NR2C2: variants seen among roughly 807,000 people sequenced by gnomAD.
The protein encoded by NR2C2 is Nuclear hormone receptor TR4.
Under a neutral mutation model 62.9 loss-of-function variants are expected in NR2C2, and 6 were observed. That is an observed-to-expected ratio of 0.10 (90% CI 0.05 to 0.19). The LOEUF is 0.19. NR2C2 is among the 10% of genes least tolerant of loss of function. NR2C2 has a pLI of 1.00. For synonymous variants in NR2C2, 272 were observed against 273.8 expected (o/e 0.99, Z 0.07); for missense variants, 479 against 762.7 (o/e 0.63, Z 4.38).
chr3:15,025,064 G>C (rs753419145), intron 7 of NR2C2, among the ~76,000 whole-genome samples: 1 of 152,228 alleles, frequency 6.6e-6, no homozygotes, highest in Non-Finnish European at 1.5e-5. Context: ...TCTGTCTTTG[G>C]GCAGGGGCCA....
chr3:15,001,602 T>A (rs1056859007), intron 1 of NR2C2, among the ~76,000 whole-genome samples: 1 of 152,082 alleles, frequency 6.6e-6, no homozygotes, highest in South Asian at 2.1e-4. Context: ...CCCAAAGTGC[T>A]GGGATTACAG....
chr3:14,963,713 G>A (rs555781389), intron 1 of NR2C2, among the ~76,000 whole-genome samples: 8 of 152,122 alleles, frequency 5.3e-5, no homozygotes, highest in Admixed American at 1.3e-4. Context: ...CTCGTGATCC[G>A]CCTGCCTCTG....
intron 1 of NR2C2, among the ~76,000 whole-genome samples, chr3:14,980,355 A>T (rs1266062858): frequency 6.6e-6 from 1 of 151,858 alleles, no homozygotes; most frequent in Non-Finnish European, 1.5e-5. Context: ...TAGAGACAGG[A>T]ACTCACTATG....
At chr3:15,031,077 C>T (rs1411153466) in intron 9 of NR2C2, among the ~76,000 whole-genome samples, 1 of 152,180 alleles carries the variant, frequency 6.6e-6, no homozygotes, top group African/African-American at 2.4e-5. Flanking sequence ...CTCTGCCTCT[C>T]TGTGACTGCC....
At chr3:14,958,600 C>T (rs541506289) in intron 1 of NR2C2, among the ~76,000 whole-genome samples, 23 of 152,312 alleles carry the variant, frequency 1.5e-4, no homozygotes, top group Admixed American at 6.5e-4. Context: ...TGCTTGGCTC[C>T]ACCAGCCAAG....
rs753079599 is a variant in NR2C2, at chr3:15,030,337, C to T, written c.995C>T (p.Ala332Val). Residue 332 changes from alanine (A) to valine (V), a missense_variant, in exon 9 of 14, where the codon GCA (alanine) becomes GTA (valine). Ala to Val is a moderately conservative substitution (Grantham distance 64). This residue lies in a region of NR2C2 where 151 missense variants were observed against 176.1 expected (regional missense o/e 0.86). Transcript: ENST00000425241. ...GACAGCTCCTCTTCTCCAAGCTTGG[C>T]AGATGGGATAGACACCAGTGGAGGA... ...TTDSSSSPSL[A>V]DGIDTSGGGS... is the part of the protein sequence containing the mutation. 1 of 1,613,266 alleles carries T rather than the reference C, an allele frequency of 6.2e-7. No individual in the cohort carries two copies.
intron 2 of NR2C2, chr3:15,004,721 G>A (rs1025362382): frequency 1.6e-5 from 21 of 1,294,646 alleles, no homozygotes; most frequent in Non-Finnish European, 1.9e-5. Flanking sequence ...CAATTATAAC[G>A]GTTGATTTCT....
At chr3:15,035,447 T>C (rs534026323) in intron 11 of NR2C2, among the ~76,000 whole-genome samples, 144 of 152,286 alleles carry the variant, frequency 9.5e-4, no homozygotes, top group Non-Finnish European at 1.9e-3. Context: ...GCTGATATTT[T>C]CATCTTCATT....
chr3:14,952,426 C>T (rs1414533101), intron 1 of NR2C2, among the ~76,000 whole-genome samples: 5 of 152,176 alleles, frequency 3.3e-5, no homozygotes, highest in Non-Finnish European at 5.9e-5. Context: ...CCTTTAGTCC[C>T]AAACCATCTC....
At chr3:14,986,114 AT>A (rs1050134624) in intron 1 of NR2C2, among the ~76,000 whole-genome samples, 3 of 152,078 alleles carry the variant, frequency 2.0e-5, no homozygotes, top group African/African-American at 7.2e-5. Context: ...TTTAAACAGT[AT>A]TTTTTTAAAG....
intron 1 of NR2C2, among the ~76,000 whole-genome samples, chr3:14,990,016 T>C (rs2040624947): frequency 1.3e-5 from 2 of 149,692 alleles, no homozygotes; most frequent in Non-Finnish European, 3.0e-5. Context: ...GGCAGGAGGA[T>C]CACTTGAGCC....
chr3:15,018,800 T>C (rs1190883358), intron 4 of NR2C2, among the ~76,000 whole-genome samples: 5 of 152,080 alleles, frequency 3.3e-5, no homozygotes, highest in Non-Finnish European at 7.4e-5. Flanking sequence ...GTGGATCACC[T>C]GAGGTCAGGA....
At chr3:15,023,750 A>G (rs982063996) in intron 6 of NR2C2, among the ~76,000 whole-genome samples, 1 of 152,206 alleles carries the variant, frequency 6.6e-6, no homozygotes, top group Non-Finnish European at 1.5e-5. Flanking sequence ...GAACGGAAAG[A>G]GGGGAAAACA....
At chr3:15,035,393 C>G (rs2042079761) in intron 11 of NR2C2, among the ~76,000 whole-genome samples, 1 of 152,226 alleles carries the variant, frequency 6.6e-6, no homozygotes, top group South Asian at 2.1e-4. Flanking sequence ...TGGAAAAGGT[C>G]AACTTCTTGA....
chr3:14,985,462 G>C (rs1406257806), intron 1 of NR2C2, among the ~76,000 whole-genome samples: 1 of 151,976 alleles, frequency 6.6e-6, no homozygotes, highest in East Asian at 1.9e-4. Context: ...TGTAATCAGA[G>C]GATCTGATCT....
chr3:15,044,741 G>A lies in NR2C2; in HGVS notation c.*1733G>A, dbSNP rs1009221772. The A allele has an allele frequency of 1.3e-5, 2 of 152,272 alleles. No homozygotes were observed. The highest frequency in any genetic ancestry group is 4.8e-5 in the African/African-American group (2 of 41,462). The allele number at this position is 152,272 out of a possible 1,614,324, so 9.4% of individuals were successfully genotyped here. A position where few individuals can be genotyped will look rare whatever the true frequency, so the allele number is the denominator to read the frequency against. On this transcript the variant is annotated 3_prime_UTR_variant, in exon 14 of 14. Coordinates refer to ENST00000425241, the MANE Select transcript of NR2C2 (RefSeq NM_001291694.2). ...GCTGGCGCCACATGTGCTCCACAGG[G>A]GTGCAGTCTGGCCAGCTACAGACGC...
chr3:14,950,682 A>T (rs1485289756), intron 1 of NR2C2, among the ~76,000 whole-genome samples: 1 of 152,158 alleles, frequency 6.6e-6, no homozygotes, highest in Non-Finnish European at 1.5e-5. Flanking sequence ...TTATGTGATT[A>T]TTTGATTAAT....
intron 8 of NR2C2, among the ~76,000 whole-genome samples, chr3:15,029,109 C>CA (rs1190712823): frequency 1.6e-5 from 2 of 123,892 alleles, no homozygotes; most frequent in Non-Finnish European, 1.6e-5. Flanking sequence ...TTTCTTTTTT[C>CA]TTTTTTTTTT....
chr3:15,030,593 C>G, intron 9 of NR2C2, 141 bp downstream of exon 9: 1 of 781,620 alleles, frequency 1.3e-6, no homozygotes, highest in Non-Finnish European at 1.9e-6. Context: ...TTCGGGAGGC[C>G]AAGGCACGTG....
Sources: allele counts gnomAD v4.1 joint callset (sites outside exome capture counted in the v4.1 genomes callset), GRCh38; gene constraint gnomAD v4.1.1; regional missense constraint gnomAD v4.1.1; transcripts MANE v1.5; gene names NCBI Gene and HGNC (gene_info 2026-07-23, HGNC 2026-07-21).